DNAJB14: variants seen among roughly 807,000 people sequenced by gnomAD.
The protein encoded by DNAJB14 is DnaJ heat shock protein family (Hsp40) member B14.
In DNAJB14, 22 loss-of-function variants were observed where a neutral mutation model predicts 48.4. The ratio of observed to expected loss-of-function variants is 0.45; its 90% CI spans 0.32 to 0.65. The LOEUF (loss-of-function observed/expected upper bound fraction) is 0.65, where lower values mean the gene tolerates loss of function less well. Ranked by LOEUF, DNAJB14 falls within the 30% of genes least tolerant of loss-of-function variation. The probability of loss-of-function intolerance (pLI) is 0.03; values close to 1 mark genes in which losing one functional copy is unlikely to be tolerated. For synonymous variants in DNAJB14, 142 were observed against 158.7 expected (o/e 0.89, Z 0.79); for missense variants, 319 against 458.8 (o/e 0.70, Z 2.78).
chr4:99,923,814 T>C lies in DNAJB14; in HGVS notation c.306-629A>G, dbSNP rs953934231. 17 of 980,122 alleles carry C rather than the reference T, an allele frequency of 1.7e-5. No homozygotes were observed. In the East Asian group the frequency reaches 3.4e-4, roughly 20 times the overall value. The allele number at this position is 980,122 out of a possible 1,614,324, so 60.7% of individuals were successfully genotyped here. On this transcript the variant is annotated intron_variant, in intron 2 of 7. Coordinates refer to ENST00000442697, the MANE Select transcript of DNAJB14 (RefSeq NM_001031723.4). ...TCAGCCTTCCAAAGTGCTGGGATTA[T>C]AGGCATAAACCACTGCACCCGGCCA... is the stretch of plus-strand genomic sequence containing the variant.
rs557741865 is a variant in DNAJB14, at chr4:99,932,197, T to C, written c.134-1576A>G. Among the ~76,000 whole-genome samples, 3 of 152,194 alleles carry C rather than the reference T, an allele frequency of 2.0e-5. No individual in the cohort carries two copies. The South Asian group carries it at 6.2e-4, about 32-fold the overall frequency. On this transcript the variant is annotated intron_variant, in intron 1 of 7. Transcript: ENST00000442697. ...TGGGCTTTATCAAAATTTAAAACTTTTGTACTTCAAAGGCTATAATCAACA... is the reference window on the plus strand; with the variant it reads ...TGGGCTTTATCAAAATTTAAAACTTCTGTACTTCAAAGGCTATAATCAACA...
intron 1 of DNAJB14, among the ~76,000 whole-genome samples, chr4:99,932,771 T>A (rs968009279): frequency 6.6e-6 from 1 of 152,058 alleles, no homozygotes; most frequent in Non-Finnish European, 1.5e-5. Flanking sequence ...TAATGATATA[T>A]CCAGACAATG....
chr4:99,933,303 CTTTTTTTTTTTTT>C (rs759298582), intron 1 of DNAJB14, among the ~76,000 whole-genome samples: 3 of 88,776 alleles, frequency 3.4e-5, no homozygotes, highest in Admixed American at 1.4e-4. Flanking sequence ...CATAAACAGT[CTTTTTTTTTTTTT>C]TTTTTTTTTT....
Position 99,934,612 on chromosome 4 carries a change from G to A in DNAJB14, c.134-3991C>T, listed in dbSNP as rs1044041597. Among the ~76,000 whole-genome samples, 6 of 151,460 alleles carry A rather than the reference G, an allele frequency of 4.0e-5. No homozygotes were observed. The East Asian group carries it at 1.2e-3, about 29-fold the overall frequency. ...AGTTCAAGACTAGCCTGGTCAACAT[G>A]GTGAAATCCTGTCTCTACAAAAATA... On this transcript the variant is annotated intron_variant, in intron 1 of 7. Coordinates refer to ENST00000442697, the MANE Select transcript of DNAJB14 (RefSeq NM_001031723.4).
chr4:99,925,113 C>G (rs1229517119), intron 2 of DNAJB14: 1 of 366,566 alleles, frequency 2.7e-6, no homozygotes, highest in Non-Finnish European at 5.0e-6. Context: ...TACAGATGCT[C>G]AAATCCCTGA....
chr4:99,918,062 G>C (rs1406034678), intron 3 of DNAJB14, among the ~76,000 whole-genome samples: 1 of 152,056 alleles, frequency 6.6e-6, no homozygotes, highest in Non-Finnish European at 1.5e-5. Flanking sequence ...TACCTTTTCA[G>C]CTCTGCCCTC....
In DNAJB14 at chr4:99,896,949, A is replaced by G. The variant is rs768034222; in HGVS notation, c.*4079T>C. On this transcript the variant is annotated 3_prime_UTR_variant, in exon 8 of 8. Transcript: ENST00000442697. ...ATTTCAAGAAATACTTCTTACCCCT[A>G]TGTATTTCCAGATGGCTGGATATAG... 2 of 152,082 alleles carry G rather than the reference A, an allele frequency of 1.3e-5. No homozygotes were observed. Among genetic ancestry groups the G allele is most frequent in the South Asian group, 2.1e-4 (1 of 4,832 alleles). The allele number at this position is 152,082 out of a possible 1,614,324, so 9.4% of individuals were successfully genotyped here.
chr4:99,933,874 C>A (rs1384910463), intron 1 of DNAJB14, among the ~76,000 whole-genome samples: 1 of 152,010 alleles, frequency 6.6e-6, no homozygotes, highest in East Asian at 1.9e-4. Context: ...GGGGCATTTG[C>A]CAGCCCACAG....
intron 7 of DNAJB14, among the ~76,000 whole-genome samples, 161 bp downstream of exon 7, chr4:99,903,565 T>C (rs750985691): frequency 1.2e-4 from 19 of 152,140 alleles, no homozygotes; most frequent in Non-Finnish European, 2.1e-4. Context: ...TCAATTCCGA[T>C]GTTAGGCCAC....
At chr4:99,923,865 T>A in intron 2 of DNAJB14, 1 of 985,178 alleles carries the variant, frequency 1.0e-6, no homozygotes, top group Non-Finnish European at 1.2e-6. Context: ...AGATAATTTA[T>A]CTGTATCACT....
At chr4:99,929,294 TG>T (rs2110214086) in intron 2 of DNAJB14, 1 of 152,384 alleles carries the variant, frequency 6.6e-6, no homozygotes, top group East Asian at 1.9e-4. Context: ...GGTTTTGCCA[TG>T]TTGGCCAGGC....
At position 99,916,898 on chromosome 4, in the gene DNAJB14, G is replaced by C. The variant is rs563068303; in HGVS notation, c.451+6142C>G. 6.0e-4 allele frequency among the ~76,000 whole-genome samples: 91 copies of C among 152,270 alleles called. 3 individuals carry two copies. The highest frequency in any genetic ancestry group is 2.9e-3 in the Admixed American group (45 of 15,296). On this transcript the variant is annotated intron_variant, in intron 3 of 7. Transcript: ENST00000442697. ...GCCTGTAATCCCAGCACTTTGGGAG[G>C]CTGAGGCGGATGGATCATGCAATCG...
rs1247349570 is a variant in DNAJB14, at chr4:99,898,183, A to C, written c.*2845T>G. 1 of 152,040 alleles carries C rather than the reference A, an allele frequency of 6.6e-6. No individual in the cohort carries two copies. The highest frequency in any genetic ancestry group is 2.4e-5 in the African/African-American group (1 of 41,458). 9.4% of individuals were successfully genotyped at this position (152,040 alleles called of 1,614,324 possible). A position where few individuals can be genotyped will look rare whatever the true frequency, so the allele number is the denominator to read the frequency against. ...TTAAAGTAAAAAGCTGGTATTCCAC[A>C]TTCCTGTTCCTATGAACACCTGAGC... On this transcript the variant is annotated 3_prime_UTR_variant, in exon 8 of 8. Transcript: ENST00000442697.
intron 3 of DNAJB14, chr4:99,910,403 T>A (rs1725618330): frequency 6.6e-6 from 1 of 152,036 alleles, no homozygotes; most frequent in South Asian, 2.1e-4. Context: ...TCTATCAATC[T>A]CTGCTAAAAT....
At chr4:99,909,738 A>G (rs569060615) in intron 3 of DNAJB14, among the ~76,000 whole-genome samples, 63 of 152,208 alleles carry the variant, frequency 4.1e-4, no homozygotes, top group African/African-American at 1.5e-3. Flanking sequence ...TGAAAAAGAA[A>G]TGAGTAAAAG....
At chr4:99,920,057 T>A (rs2110206103) in intron 3 of DNAJB14, among the ~76,000 whole-genome samples, 1 of 152,372 alleles carries the variant, frequency 6.6e-6, no homozygotes, top group Middle Eastern at 3.4e-3. Flanking sequence ...AGATCCTGGG[T>A]AAATCTGAGT....
In DNAJB14 at chr4:99,934,789, C is replaced by CAAAAAAAAAAA. The variant is rs1167945149; in HGVS notation, c.134-4179_134-4169dup. ...CCTGGGTGACAGAGCAAGACTGTCT[C>CAAAAAAAAAAA]AAAAAAAAAAAAAAAAAAAAAAAAA... On this transcript the variant is annotated intron_variant, in intron 1 of 7. Coordinates refer to ENST00000442697, the MANE Select transcript of DNAJB14 (RefSeq NM_001031723.4). Among the ~76,000 whole-genome samples the CAAAAAAAAAAA allele has an allele frequency of 7.4e-4, 5 of 6,774 alleles. 1 individual carries two copies. The highest frequency in any genetic ancestry group is 3.0e-3 in the Admixed American group (1 of 334). 4.4% of individuals were successfully genotyped at this position (6,774 alleles called of 152,430 possible). A position where few individuals can be genotyped will look rare whatever the true frequency, so the allele number is the denominator to read the frequency against.
At chr4:99,926,615 G>A (rs748528829) in intron 2 of DNAJB14, 1 of 151,964 alleles carries the variant, frequency 6.6e-6, no homozygotes, top group Non-Finnish European at 1.5e-5. Context: ...AAATTGTCTT[G>A]TTTATAATTA....
rs1379498768 is a variant in DNAJB14 at position 99,898,006 on chromosome 4, T to C, written c.*3022A>G. 6.6e-6 allele frequency: 1 copy of C among 152,032 alleles called. No homozygotes were observed. Among genetic ancestry groups the C allele is most frequent in the Non-Finnish European group, 1.5e-5 (1 of 67,894 alleles). The allele number at this position is 152,032 out of a possible 1,614,324, so 9.4% of individuals were successfully genotyped here. On this transcript the variant is annotated 3_prime_UTR_variant, in exon 8 of 8. Coordinates refer to ENST00000442697, the MANE Select transcript of DNAJB14 (RefSeq NM_001031723.4). ...ATGAAATACATAGGAATCCATTAAG[T>C]AACATTAGCATGTCATGTGTTAAAT...
Sources: allele counts gnomAD v4.1 joint callset (sites outside exome capture counted in the v4.1 genomes callset), GRCh38; gene constraint gnomAD v4.1.1; transcripts MANE v1.5; gene names NCBI Gene and HGNC (gene_info 2026-07-23, HGNC 2026-07-21).